The following GRM8 variants were observed in gnomAD, a reference collection of about 807,000 sequenced individuals.
GRM8 encodes the protein metabotropic glutamate receptor 8.
A neutral mutation model predicts 87.2 loss-of-function variants in GRM8; 47 were observed. The ratio of observed to expected loss-of-function variants is 0.54; its 90% CI spans 0.43 to 0.69. GRM8 has a LOEUF of 0.69. GRM8 is among the 30% of genes least tolerant of loss of function. GRM8 has a pLI of 0.00. For missense variants in GRM8, 1,019 were observed against 1,139.2 expected, an observed-to-expected ratio of 0.89 and a Z score of 1.52; for synonymous variants, 396 against 404.5, an observed-to-expected ratio of 0.98 and a Z score of 0.25.
intron 8 of GRM8, among the ~76,000 whole-genome samples, chr7:126,544,674 T>C (rs1235517773): frequency 6.6e-6 from 1 of 152,020 alleles, no homozygotes; most frequent in Non-Finnish European, 1.5e-5. Flanking sequence ...CACGCCCTGC[T>C]AATTTTTGTA....
intron 1 of GRM8, among the ~76,000 whole-genome samples, chr7:127,249,972 A>G (rs1391401424): frequency 6.6e-6 from 1 of 152,196 alleles, no homozygotes; most frequent in Non-Finnish European, 1.5e-5. Flanking sequence ...ACTGGGACAG[A>G]GCAACTCCAC....
chr7:127,051,077 T>C (rs528040395), intron 3 of GRM8, among the ~76,000 whole-genome samples: 2 of 152,322 alleles, frequency 1.3e-5, no homozygotes, highest in Admixed American at 1.3e-4. Context: ...TATAATACAA[T>C]ATTTGCAATA....
chr7:126,708,527 C>CTA (rs1311981686), intron 7 of GRM8, among the ~76,000 whole-genome samples: 1 of 149,980 alleles, frequency 6.7e-6, no homozygotes, highest in Non-Finnish European at 1.5e-5. Context: ...ATGTATATAT[C>CTA]TATATATATG....
At chr7:126,538,025 A>C (rs1268796079) in intron 8 of GRM8, among the ~76,000 whole-genome samples, 1 of 152,194 alleles carries the variant, frequency 6.6e-6, no homozygotes, top group Admixed American at 6.5e-5. Flanking sequence ...TGGTATAACA[A>C]ATGGAGGATA....
intron 3 of GRM8, among the ~76,000 whole-genome samples, chr7:126,952,646 C>T (rs536837748): frequency 6.6e-6 from 1 of 152,152 alleles, no homozygotes; most frequent in South Asian, 2.1e-4. Context: ...AATCCCATGA[C>T]ATGATGTGCT....
At chr7:127,082,909 G>A (rs1327379575) in intron 3 of GRM8, among the ~76,000 whole-genome samples, 1 of 152,194 alleles carries the variant, frequency 6.6e-6, no homozygotes, top group Non-Finnish European at 1.5e-5. Context: ...AAGTGCCAGA[G>A]CGGGATCGGA....
At chr7:126,717,393 C>T (rs984728522) in intron 7 of GRM8, among the ~76,000 whole-genome samples, 7 of 152,204 alleles carry the variant, frequency 4.6e-5, no homozygotes, top group Admixed American at 1.3e-4. Context: ...TCCAGGGACA[C>T]GAGTGCTGGG....
intron 6 of GRM8, among the ~76,000 whole-genome samples, chr7:126,823,835 T>C (rs2130230571): frequency 6.6e-6 from 1 of 152,308 alleles, no homozygotes; most frequent in African/African-American, 2.4e-5. Context: ...AGCTTAAACC[T>C]TAACTCAATG....
At chr7:126,483,429 C>T (rs1282141595) in intron 9 of GRM8, among the ~76,000 whole-genome samples, 1 of 147,796 alleles carries the variant, frequency 6.8e-6, no homozygotes, top group East Asian at 2.1e-4. Flanking sequence ...ATAAAACATA[C>T]CCTTAGTATT....
intron 7 of GRM8, among the ~76,000 whole-genome samples, chr7:126,762,059 A>G (rs1817633225): frequency 1.3e-5 from 2 of 152,288 alleles, no homozygotes; most frequent in South Asian, 2.1e-4. Context: ...AAATTTGACA[A>G]CTCACAGAAC....
chr7:127,120,649 C>T (rs922810846), intron 2 of GRM8, among the ~76,000 whole-genome samples: 4 of 152,198 alleles, frequency 2.6e-5, no homozygotes, highest in Non-Finnish European at 5.9e-5. Flanking sequence ...CCATATCATG[C>T]TCAAAGGGAT....
chr7:127,109,583 C>G (rs1268294065), intron 2 of GRM8, among the ~76,000 whole-genome samples: 1 of 152,158 alleles, frequency 6.6e-6, no homozygotes, highest in Non-Finnish European at 1.5e-5. Context: ...CATCTGGGGA[C>G]AGTTCACTAA....
chr7:126,878,793 C>T (rs1586296081), intron 6 of GRM8, among the ~76,000 whole-genome samples: 2 of 151,844 alleles, frequency 1.3e-5, no homozygotes, highest in Admixed American at 1.3e-4. Context: ...TCCCAAAGTG[C>T]TGGGATTACA....
At chr7:126,963,379 A>G (rs1426540435) in intron 3 of GRM8, among the ~76,000 whole-genome samples, 1 of 152,142 alleles carries the variant, frequency 6.6e-6, no homozygotes, top group Non-Finnish European at 1.5e-5. Flanking sequence ...ATTATTTTAA[A>G]TATACATAAC....
intron 2 of GRM8, among the ~76,000 whole-genome samples, chr7:127,124,326 T>C (rs1827246258): frequency 6.6e-6 from 1 of 152,174 alleles, no homozygotes; most frequent in South Asian, 2.1e-4. Flanking sequence ...CAAAATCCAA[T>C]GCTCAATTTG....
chr7:126,779,601 C>A (rs1563180559), intron 6 of GRM8, among the ~76,000 whole-genome samples: 1 of 152,066 alleles, frequency 6.6e-6, no homozygotes, highest in African/African-American at 2.4e-5. Context: ...CATTTGCTAA[C>A]ATAGAGTCTG....
intron 6 of GRM8, among the ~76,000 whole-genome samples, chr7:126,851,182 C>T (rs888912507): frequency 6.6e-6 from 1 of 152,092 alleles, no homozygotes; most frequent in Non-Finnish European, 1.5e-5. Flanking sequence ...TATACTTTAT[C>T]TATCATACAT....
intron 6 of GRM8, among the ~76,000 whole-genome samples, chr7:126,851,442 G>A (rs1025993498): frequency 6.6e-6 from 1 of 152,078 alleles, no homozygotes; most frequent in African/African-American, 2.4e-5. Context: ...GAAAACCCTC[G>A]AATAAGTTCC....
At chr7:126,537,311 G>T (rs73224944) in intron 8 of GRM8, among the ~76,000 whole-genome samples, 2 of 152,078 alleles carry the variant, frequency 1.3e-5, no homozygotes, top group African/African-American at 2.4e-5. Flanking sequence ...TTTCATCAAG[G>T]AATCTTTGTT....
Sources: gnomAD v4.1 joint callset for allele counts (sites outside exome capture counted in the v4.1 genomes callset) on GRCh38, gnomAD v4.1.1 for gene constraint, MANE v1.5 for transcripts, NCBI Gene and HGNC (gene_info 2026-07-23, HGNC 2026-07-21) for gene names.